AKAIN1: variants seen among roughly 807,000 people sequenced by gnomAD.
AKAIN1 encodes A-kinase anchor inhibitor 1, also known as A-kinase anchor protein inhibitor 1.
Under a neutral mutation model 3.7 loss-of-function variants are expected in AKAIN1, and 3 were observed. That is an observed-to-expected ratio of 0.82 (90% CI 0.37 to 2.12). AKAIN1 has a LOEUF of 2.12. Ranked by LOEUF, AKAIN1 falls within the 30% of genes most tolerant of loss-of-function variation. The pLI is 0.06. For synonymous variants in AKAIN1, 31 were observed against 30.8 expected (o/e 1.01, Z -0.02); for missense variants, 82 against 82.7 (o/e 0.99, Z 0.03).
intron 1 of AKAIN1, among the ~76,000 whole-genome samples, chr18:5,159,673 C>A (rs2071128303): frequency 6.6e-6 from 1 of 151,962 alleles, no homozygotes; most frequent in Admixed American, 6.6e-5. Context: ...TGCATTTTTT[C>A]AATTCATCTT....
chr18:5,184,455 C>A (rs868031089), intron 1 of AKAIN1, among the ~76,000 whole-genome samples: 8 of 152,072 alleles, frequency 5.3e-5, no homozygotes, highest in Non-Finnish European at 8.8e-5. Context: ...GTAGTCGCTG[C>A]CCAAATGCTC....
At chr18:5,197,280 G>A, upstream of AKAIN1, 7 of 1,373,674 alleles carry the variant, frequency 5.1e-6, no homozygotes, top group Non-Finnish European at 5.6e-6. This position sits in a 1 kb window ranked among gnomAD's most constrained non-coding sequence, Gnocchi z 6.9. Flanking sequence ...GCGGCGGGAG[G>A]AGGAGGGTGA....
intron 1 of AKAIN1, among the ~76,000 whole-genome samples, chr18:5,171,766 T>C (rs1042153709): frequency 6.6e-6 from 1 of 152,130 alleles, no homozygotes; most frequent in African/African-American, 2.4e-5. Flanking sequence ...ACAACCACTA[T>C]GGAGAATAGT....
chr18:5,155,519 G>A (rs420985), intron 1 of AKAIN1, among the ~76,000 whole-genome samples: 25,256 of 152,110 alleles, frequency 0.17, 2,421 homozygotes, highest in African/African-American at 0.26. Flanking sequence ...ATCCGCGGCT[G>A]CACTGCCCAG....
chr18:5,188,973 A>G (rs8082976), intron 1 of AKAIN1, among the ~76,000 whole-genome samples: 64,617 of 152,006 alleles, frequency 0.43, 14,599 homozygotes, highest in Non-Finnish European at 0.5. Flanking sequence ...GCATGCCTTC[A>G]CAGCTTTTGT....
In AKAIN1 at chr18:5,143,474, A is replaced by G. The variant is rs1319711557; in HGVS notation, c.*2088T>C. On this transcript the variant is annotated 3_prime_UTR_variant, in exon 2 of 2. Coordinates refer to ENST00000434239, the MANE Select transcript of AKAIN1 (RefSeq NM_001145194.2). ...AGATCAAAAGACCACTTCTTAGCAT[A>G]CATCCTTTTCTCTTCAAGCCTCAGG... is the stretch of plus-strand genomic sequence containing the variant. 1.3e-5 allele frequency among the ~76,000 whole-genome samples: 2 copies of G among 152,166 alleles called. No homozygotes were observed. The highest frequency in any genetic ancestry group is 2.9e-5 in the Non-Finnish European group (2 of 68,038).
rs530897711 is a variant in AKAIN1 at position 5,165,421 on chromosome 18, T to G, written c.17-19666A>C. Among the ~76,000 whole-genome samples the G allele has an allele frequency of 7.9e-5, 12 of 152,078 alleles. No homozygotes were observed. The East Asian group carries it at 2.3e-3, about 29-fold the overall frequency. On this transcript the variant is annotated intron_variant, in intron 1 of 1. Coordinates refer to ENST00000434239, the MANE Select transcript of AKAIN1 (RefSeq NM_001145194.2). ...CAATGGCAACATCTCCTTGCCACAC[T>G]CATCTCCTCCTTGTAATTATAATAT...
intron 1 of AKAIN1, among the ~76,000 whole-genome samples, chr18:5,162,160 C>T (rs1443504148): frequency 1.3e-5 from 2 of 152,120 alleles, no homozygotes; most frequent in Admixed American, 1.3e-4. Flanking sequence ...TGCATGGCCA[C>T]ATTTTCTCAC....
At chr18:5,163,190 G>A (rs200572512) in intron 1 of AKAIN1, among the ~76,000 whole-genome samples, 2 of 148,546 alleles carry the variant, frequency 1.3e-5, no homozygotes, top group African/African-American at 5.2e-5. Context: ...CAGTCCCAAA[G>A]TGCAAGTCCC....
chr18:5,173,895 A>G (rs888429161), intron 1 of AKAIN1, among the ~76,000 whole-genome samples: 1 of 152,020 alleles, frequency 6.6e-6, no homozygotes, highest in Non-Finnish European at 1.5e-5. Context: ...AGCCGCAAAA[A>G]GAGGGTGGAA....
chr18:5,152,558 T>C (rs1249286968), intron 1 of AKAIN1, among the ~76,000 whole-genome samples: 1 of 152,112 alleles, frequency 6.6e-6, no homozygotes, highest in Admixed American at 6.6e-5. Context: ...TGCAACCCAG[T>C]GTCTCCACGT....
intron 1 of AKAIN1, among the ~76,000 whole-genome samples, chr18:5,175,168 A>G (rs1293329662): frequency 6.6e-6 from 1 of 152,168 alleles, no homozygotes; most frequent in African/African-American, 2.4e-5. Context: ...TGCAGAGAGG[A>G]GATGTGTACA....
Position 5,149,657 on chromosome 18 carries a change from A to G in AKAIN1, c.17-3902T>C, listed in dbSNP as rs185860499. 2.2e-3 allele frequency among the ~76,000 whole-genome samples: 335 copies of G among 152,260 alleles called. 3 individuals carry two copies. Among genetic ancestry groups the G allele is most frequent in the African/African-American group, 7.7e-3 (319 of 41,556 alleles). ...GCATATTCACGACGTGCATTGCTTC[A>G]TGACTGTACATATCTCCTTCCCTCT... On this transcript the variant is annotated intron_variant, in intron 1 of 1. Coordinates refer to ENST00000434239, the MANE Select transcript of AKAIN1 (RefSeq NM_001145194.2).
At chr18:5,183,822 T>A (rs1444270951) in intron 1 of AKAIN1, among the ~76,000 whole-genome samples, 2 of 151,996 alleles carry the variant, frequency 1.3e-5, no homozygotes, top group African/African-American at 4.8e-5. Context: ...GTTTAATATA[T>A]GTTTCTGTTT....
upstream of AKAIN1, chr18:5,197,503 T>TCAAAAAAAAAAAA: frequency 3.5e-6 from 1 of 285,080 alleles, no homozygotes; most frequent in African/African-American, 1.2e-4. The surrounding 1 kb of genome is among the most constrained non-coding windows in gnomAD (Gnocchi z 6.9). Flanking sequence ...GATAGATTTG[T>TCAAAAAAAAAAAA]CAAAAAAAAA....
intron 1 of AKAIN1, among the ~76,000 whole-genome samples, chr18:5,149,370 G>A (rs1409162518): frequency 6.6e-6 from 1 of 152,174 alleles, no homozygotes; most frequent in Non-Finnish European, 1.5e-5. Context: ...ATTCTCTTCC[G>A]TTACCTTAAG....
At chr18:5,154,185 T>C (rs1390194432) in intron 1 of AKAIN1, among the ~76,000 whole-genome samples, 1 of 152,058 alleles carries the variant, frequency 6.6e-6, no homozygotes, top group Non-Finnish European at 1.5e-5. Flanking sequence ...GCAACAACCA[T>C]GAAGAAAAAA....
chr18:5,171,699 G>A (rs574261026), intron 1 of AKAIN1, among the ~76,000 whole-genome samples: 1 of 152,034 alleles, frequency 6.6e-6, no homozygotes, highest in South Asian at 2.1e-4. Context: ...ACAAATGCTG[G>A]CAAGGATGTG....
At chr18:5,164,358 A>G (rs1316848999) in intron 1 of AKAIN1, among the ~76,000 whole-genome samples, 1 of 152,094 alleles carries the variant, frequency 6.6e-6, no homozygotes, top group African/African-American at 2.4e-5. Flanking sequence ...ACTTGGGGTA[A>G]GGTTAACATA....
Sources: gnomAD v4.1 joint callset for allele counts (sites outside exome capture counted in the v4.1 genomes callset) on GRCh38, gnomAD v4.1.1 for gene constraint, Gnocchi (gnomAD v3.1) non-coding constraint, MANE v1.5 for transcripts, NCBI Gene and HGNC (gene_info 2026-07-23, HGNC 2026-07-21) for gene names.